Variants in EPHA6 observed in about 807,000 individuals in gnomAD.
EPHA6 encodes the protein EPH receptor A6.
Under a neutral mutation model 112.0 loss-of-function variants are expected in EPHA6, and 50 were observed. That is an observed-to-expected ratio of 0.45 (90% confidence interval 0.36 to 0.56). The LOEUF (loss-of-function observed/expected upper bound fraction) is 0.56, where lower values mean the gene tolerates loss of function less well. EPHA6 is among the 20% of genes least tolerant of loss of function. The pLI, the probability that EPHA6 is intolerant of heterozygous loss-of-function variation, is 0.00. For synonymous variants in EPHA6, 529 were observed against 490.7 expected, an observed-to-expected ratio of 1.08 and a Z score of -1.03; for missense variants, 1,280 against 1,417.4, an observed-to-expected ratio of 0.90 and a Z score of 1.56.
chr3:96,912,168 A>ATATT (rs552562723), intron 2 of EPHA6, among the ~76,000 whole-genome samples: 1 of 152,114 alleles, frequency 6.6e-6, no homozygotes, highest in Non-Finnish European at 1.5e-5. Context: ...GTTACATTAT[A>ATATT]TATTTATTTA....
intron 11 of EPHA6, among the ~76,000 whole-genome samples, chr3:97,551,553 A>G (rs1403092540): frequency 6.6e-6 from 1 of 152,160 alleles, no homozygotes; most frequent in Non-Finnish European, 1.5e-5. Context: ...CACATTAACA[A>G]GCATGATTCT....
intron 3 of EPHA6, among the ~76,000 whole-genome samples, chr3:97,130,978 C>T (rs1576542436): frequency 1.3e-5 from 2 of 152,172 alleles, no homozygotes; most frequent in East Asian, 3.9e-4. Context: ...ACAAAGTGAT[C>T]TTTAATCATT....
intron 2 of EPHA6, among the ~76,000 whole-genome samples, chr3:96,879,603 A>G (rs567426033): frequency 1.3e-5 from 2 of 152,228 alleles, no homozygotes; most frequent in East Asian, 1.9e-4. Flanking sequence ...TTTTGGCAGT[A>G]TGATTATTTT....
intron 3 of EPHA6, among the ~76,000 whole-genome samples, chr3:97,188,321 A>G (rs1164738097): frequency 6.6e-6 from 1 of 152,118 alleles, no homozygotes; most frequent in Admixed American, 6.6e-5. Flanking sequence ...TAACTCAAGA[A>G]TTAATGTAAA....
chr3:96,816,512 TTTA>T (rs1257963700), intron 1 of EPHA6, among the ~76,000 whole-genome samples: 9 of 152,144 alleles, frequency 5.9e-5, no homozygotes, highest in African/African-American at 2.2e-4. Context: ...ATTACCCTTT[TTTA>T]TTATGACAAA....
rs1286799354 is a variant in EPHA6, at chr3:97,603,681, G to T, written c.2513-7112G>T. Among the ~76,000 whole-genome samples the T allele has an allele frequency of 2.0e-5, 3 of 151,716 alleles. No homozygotes were observed. The East Asian group carries it at 5.8e-4, about 29-fold the overall frequency. ...GAAGATACAACATAGATTGTTAATGGGAATAAGAACCTACTTTTAGCAGAT... is the reference window on the plus strand; with the variant it reads ...GAAGATACAACATAGATTGTTAATGTGAATAAGAACCTACTTTTAGCAGAT... On this transcript the variant is annotated intron_variant, in intron 12 of 17. Coordinates refer to ENST00000389672, the MANE Select transcript of EPHA6 (RefSeq NM_001080448.3).
At chr3:96,968,027 A>G (rs1484984095) in intron 2 of EPHA6, among the ~76,000 whole-genome samples, 3 of 150,914 alleles carry the variant, frequency 2.0e-5, no homozygotes, top group Non-Finnish European at 4.4e-5. Flanking sequence ...TATGCTTACT[A>G]TTTTTTTCTC....
chr3:97,645,611 C>T (rs1317415736), intron 14 of EPHA6, among the ~76,000 whole-genome samples: 1 of 151,018 alleles, frequency 6.6e-6, no homozygotes, highest in Non-Finnish European at 1.5e-5. Flanking sequence ...CACATGTATA[C>T]ATATGTAACT....
intron 3 of EPHA6, among the ~76,000 whole-genome samples, chr3:97,059,849 G>A (rs1261646619): frequency 1.3e-5 from 2 of 152,012 alleles, no homozygotes; most frequent in African/African-American, 4.8e-5. Context: ...TGGGCGCAGT[G>A]GCTCATGCCT....
At chr3:96,927,456 A>G (rs2040097799) in intron 2 of EPHA6, among the ~76,000 whole-genome samples, 1 of 152,104 alleles carries the variant, frequency 6.6e-6, no homozygotes, top group African/African-American at 2.4e-5. Context: ...CAGGCTGCAA[A>G]TTTTCTAAAT....
intron 5 of EPHA6, among the ~76,000 whole-genome samples, chr3:97,365,264 A>G (rs1347596753): frequency 6.6e-6 from 1 of 152,170 alleles, no homozygotes; most frequent in Non-Finnish European, 1.5e-5. Flanking sequence ...TGGAATAAAG[A>G]GGTTTCAAAG....
intron 14 of EPHA6, among the ~76,000 whole-genome samples, chr3:97,719,358 A>G (rs2034409663): frequency 6.6e-6 from 1 of 152,000 alleles, no homozygotes; most frequent in Non-Finnish European, 1.5e-5. Flanking sequence ...GGTTTAAGAC[A>G]GCAATCTGGG....
chr3:97,481,937 C>T (rs2091564604), intron 9 of EPHA6, among the ~76,000 whole-genome samples: 1 of 152,050 alleles, frequency 6.6e-6, no homozygotes, highest in Non-Finnish European at 1.5e-5. Flanking sequence ...ATCTGTTTTC[C>T]AAGAGGTAGG....
chr3:97,492,600 G>A (rs58891413), intron 10 of EPHA6, among the ~76,000 whole-genome samples: 7,702 of 109,458 alleles, frequency 0.07, 1,045 homozygotes, highest in African/African-American at 0.24. Context: ...AAAAACCGTG[G>A]ATAATGTAGC....
chr3:97,226,115 GTTAATC>G (rs1305152376), intron 3 of EPHA6, 143 bp from the exon 4 acceptor site: 65 of 551,882 alleles, frequency 1.2e-4, no homozygotes, highest in Non-Finnish European at 1.7e-4. Flanking sequence ...AATTTCATTT[GTTAATC>G]TTAATATAGA....
chr3:97,380,216 G>T (rs2085647002), intron 5 of EPHA6, among the ~76,000 whole-genome samples: 3 of 152,068 alleles, frequency 2.0e-5, no homozygotes, highest in Admixed American at 2.0e-4. Flanking sequence ...TTGTTTCAGT[G>T]TATATTTATT....
chr3:97,149,487 TA>T (rs2076119671), intron 3 of EPHA6, among the ~76,000 whole-genome samples: 1 of 152,110 alleles, frequency 6.6e-6, no homozygotes. Context: ...ATATATTCCT[TA>T]AAGTAATGAT....
chr3:97,167,562 A>G (rs2076572218), intron 3 of EPHA6, among the ~76,000 whole-genome samples: 1 of 152,134 alleles, frequency 6.6e-6, no homozygotes. Context: ...TAGACATGTC[A>G]TTAATTTTGA....
At chr3:97,643,346 T>C (rs1269036358) in intron 14 of EPHA6, among the ~76,000 whole-genome samples, 2 of 152,144 alleles carry the variant, frequency 1.3e-5, no homozygotes, top group African/African-American at 4.8e-5. Flanking sequence ...CATGCCAAAA[T>C]GTAATGACCA....
Sources: allele counts gnomAD v4.1 joint callset (sites outside exome capture counted in the v4.1 genomes callset), GRCh38; gene constraint gnomAD v4.1.1; transcripts MANE v1.5; gene names NCBI Gene and HGNC (gene_info 2026-07-23, HGNC 2026-07-21).